TBC1D4: variants seen among roughly 807,000 people sequenced by gnomAD.
TBC1D4 encodes the protein TBC (Tre-2, BUB2, CDC16) domain-containing protein.
Under a neutral mutation model 142.5 loss-of-function variants are expected in TBC1D4, and 121 were observed. The observed-to-expected ratio is 0.85, with a 90% confidence interval of 0.73 to 0.99. The LOEUF (loss-of-function observed/expected upper bound fraction) is 0.99, where lower values mean the gene tolerates loss of function less well. Ranked by LOEUF, TBC1D4 falls within the 50% of genes least tolerant of loss-of-function variation. The pLI is 0.00. For synonymous variants in TBC1D4, 630 were observed against 628.2 expected (o/e 1.00, Z -0.04); for missense variants, 1,475 against 1,606.6 (o/e 0.92, Z 1.40).
chr13:75,389,352 A>C lies in TBC1D4; in HGVS notation c.499-26745T>G, dbSNP rs555164051. 3.3e-5 allele frequency among the ~76,000 whole-genome samples: 5 copies of C among 152,348 alleles called. No individual in the cohort carries two copies. The East Asian group carries it at 9.6e-4, about 29-fold the overall frequency. ...AAGGAGATTTTGGAAAAAAAGACAA[A>C]ACTATTCATCATACTGTCTCTGTTT... is the stretch of plus-strand genomic sequence containing the variant. On this transcript the variant is annotated intron_variant, in intron 1 of 20. Coordinates refer to ENST00000377636, the MANE Select transcript of TBC1D4 (RefSeq NM_014832.5).
chr13:75,380,545 T>G (rs1379114152), intron 1 of TBC1D4, among the ~76,000 whole-genome samples: 1 of 152,136 alleles, frequency 6.6e-6, no homozygotes, highest in Non-Finnish European at 1.5e-5. Context: ...AGATTTTTTT[T>G]TTTTTAATCT....
intron 5 of TBC1D4, 97 bp downstream of exon 5, chr13:75,349,073 C>G: frequency 1.3e-6 from 2 of 1,578,850 alleles, no homozygotes; most frequent in Admixed American, 1.7e-5. Context: ...TCTTGTTTCA[C>G]ATCGAAACAA....
intron 14 of TBC1D4, among the ~76,000 whole-genome samples, chr13:75,308,359 A>G (rs1560540): frequency 0.41 from 61,740 of 151,998 alleles, 13,670 homozygotes; most frequent in South Asian, 0.65. Flanking sequence ...GCTGAGAAAT[A>G]CTGTGGGGTG....
At chr13:75,456,491 T>C (rs1439905582) in intron 1 of TBC1D4, among the ~76,000 whole-genome samples, 2 of 152,106 alleles carry the variant, frequency 1.3e-5, no homozygotes, top group Non-Finnish European at 1.5e-5. Context: ...GCAAAAGATC[T>C]GAACAAGCAC....
intron 8 of TBC1D4, among the ~76,000 whole-genome samples, chr13:75,331,861 G>T (rs201049487): frequency 9.9e-6 from 1 of 100,808 alleles, no homozygotes; most frequent in South Asian, 3.5e-4. Context: ...AAAAAAAAAA[G>T]ACAAGTTTTA....
intron 1 of TBC1D4, among the ~76,000 whole-genome samples, chr13:75,380,161 G>A (rs1236767899): frequency 6.6e-6 from 1 of 151,208 alleles, no homozygotes; most frequent in Non-Finnish European, 1.5e-5. Flanking sequence ...TTACAGGCGT[G>A]AGCCACCGCG....
At chr13:75,397,700 A>C (rs189312298) in intron 1 of TBC1D4, among the ~76,000 whole-genome samples, 11 of 152,282 alleles carry the variant, frequency 7.2e-5, no homozygotes, top group Admixed American at 7.2e-4. Context: ...TGTAAAATGA[A>C]GCATGACCTT....
At chr13:75,380,416 T>C (rs1435209214) in intron 1 of TBC1D4, among the ~76,000 whole-genome samples, 2 of 151,650 alleles carry the variant, frequency 1.3e-5, no homozygotes, top group African/African-American at 2.4e-5. Context: ...GAGGTTGCAG[T>C]GGGCCGCGAT....
intron 1 of TBC1D4, among the ~76,000 whole-genome samples, chr13:75,415,438 C>A (rs572701000): frequency 1.3e-5 from 2 of 152,204 alleles, no homozygotes; most frequent in Admixed American, 1.3e-4. Context: ...GCCATCTTCA[C>A]ATAGGCATTA....
intron 8 of TBC1D4, among the ~76,000 whole-genome samples, chr13:75,331,087 T>C (rs773961539): frequency 6.6e-5 from 10 of 152,202 alleles, no homozygotes; most frequent in Non-Finnish European, 1.0e-4. Context: ...AAAACAAAGT[T>C]ACTTTAAAAT....
intron 1 of TBC1D4, among the ~76,000 whole-genome samples, chr13:75,391,565 C>T (rs954050751): frequency 6.6e-6 from 1 of 152,206 alleles, no homozygotes; most frequent in Non-Finnish European, 1.5e-5. Context: ...CTTCACTGTG[C>T]TAGGTTTTCT....
chr13:75,358,195 A>G (rs1882212723), intron 3 of TBC1D4, among the ~76,000 whole-genome samples: 1 of 152,120 alleles, frequency 6.6e-6, no homozygotes, highest in Non-Finnish European at 1.5e-5. Context: ...CATTCATTCA[A>G]CATGTATTGA....
At chr13:75,407,286 C>A (rs977925897) in intron 1 of TBC1D4, among the ~76,000 whole-genome samples, 1 of 152,082 alleles carries the variant, frequency 6.6e-6, no homozygotes, top group Non-Finnish European at 1.5e-5. Context: ...ACTAATAGAC[C>A]AAGAGTTCTT....
intron 11 of TBC1D4, among the ~76,000 whole-genome samples, chr13:75,322,185 G>A (rs747838040): frequency 2.6e-5 from 4 of 152,132 alleles, no homozygotes; most frequent in Admixed American, 2.0e-4. Flanking sequence ...TACACTTTTG[G>A]CCTATTCATT....
chr13:75,479,496 C>T (rs543661302), intron 1 of TBC1D4, among the ~76,000 whole-genome samples: 76 of 151,712 alleles, frequency 5.0e-4, no homozygotes, highest in African/African-American at 1.7e-3. Context: ...GACTTCCTAC[C>T]AATGAGACCA....
chr13:75,320,675 T>C (rs1337782497), intron 11 of TBC1D4, among the ~76,000 whole-genome samples: 1 of 151,860 alleles, frequency 6.6e-6, no homozygotes, highest in Non-Finnish European at 1.5e-5. Context: ...AGGATAGTGG[T>C]CCTGGAAATG....
At chr13:75,339,486 C>G (rs1474760791) in intron 7 of TBC1D4, among the ~76,000 whole-genome samples, 2 of 152,170 alleles carry the variant, frequency 1.3e-5, no homozygotes, top group African/African-American at 2.4e-5. Context: ...GCCTTGTTTC[C>G]CCCACCAATC....
chr13:75,409,731 G>A (rs1421889835), intron 1 of TBC1D4, among the ~76,000 whole-genome samples: 1 of 152,184 alleles, frequency 6.6e-6, no homozygotes, highest in African/African-American at 2.4e-5. Context: ...AGGCTTTCAA[G>A]GAGGCAATAA....
chr13:75,459,112 G>A (rs1887862876), intron 1 of TBC1D4, among the ~76,000 whole-genome samples: 1 of 152,072 alleles, frequency 6.6e-6, no homozygotes, highest in African/African-American at 2.4e-5. Flanking sequence ...GCAAGCCCTG[G>A]GCTGGTCACA....
Sources: allele counts gnomAD v4.1 joint callset (sites outside exome capture counted in the v4.1 genomes callset), GRCh38; gene constraint gnomAD v4.1.1; transcripts MANE v1.5; gene names NCBI Gene and HGNC (gene_info 2026-07-23, HGNC 2026-07-21).